The following MITF variants were observed in gnomAD, a reference collection of about 807,000 sequenced individuals.
MITF encodes the protein melanocyte inducing transcription factor.
Under a neutral mutation model 60.5 loss-of-function variants are expected in MITF, and 17 were observed. The ratio of observed to expected loss-of-function variants is 0.28; its 90% CI spans 0.19 to 0.42. MITF has a LOEUF of 0.42. MITF is among the 10% of genes least tolerant of loss of function. The pLI is 1.00. For synonymous variants in MITF, 260 were observed against 248.5 expected (o/e 1.05, Z -0.43); for missense variants, 622 against 683.5 (o/e 0.91, Z 1.00).
At chr3:69,779,621 A>T (rs912011355) in intron 1 of MITF, among the ~76,000 whole-genome samples, 1 of 152,112 alleles carries the variant, frequency 6.6e-6, no homozygotes, top group African/African-American at 2.4e-5. Flanking sequence ...TCTGTATGTG[A>T]TGGGGAGCAA....
chr3:69,862,369 A>T (rs1249119340), intron 1 of MITF, among the ~76,000 whole-genome samples: 1 of 152,194 alleles, frequency 6.6e-6, no homozygotes, highest in African/African-American at 2.4e-5. Flanking sequence ...TGTGTAGTTC[A>T]TGGGCCAACA....
chr3:69,844,470 T>C (rs1307532373), intron 1 of MITF, among the ~76,000 whole-genome samples: 2 of 151,948 alleles, frequency 1.3e-5, no homozygotes, highest in Non-Finnish European at 2.9e-5. Flanking sequence ...AAAAATTAAC[T>C]CAAGATGGAT....
chr3:69,913,553 A>G (rs1014266971), intron 2 of MITF, among the ~76,000 whole-genome samples: 7 of 152,230 alleles, frequency 4.6e-5, no homozygotes, highest in Non-Finnish European at 1.0e-4. Context: ...TTGAGTTTGC[A>G]TGAAGGTGAC....
chr3:69,758,572 G>A (rs2062165730), intron 1 of MITF: 2 of 189,742 alleles, frequency 1.1e-5, no homozygotes, highest in Non-Finnish European at 1.1e-5. Context: ...TAAATCAAAA[G>A]CTTCTTATGT....
At chr3:69,885,093 T>C (rs1337248859) in intron 2 of MITF, among the ~76,000 whole-genome samples, 3 of 152,086 alleles carry the variant, frequency 2.0e-5, no homozygotes, top group Non-Finnish European at 4.4e-5. Flanking sequence ...ACAATCTGGG[T>C]TTGATTTCAT....
At chr3:69,836,241 T>G (rs2063538823) in intron 1 of MITF, among the ~76,000 whole-genome samples, 1 of 152,202 alleles carries the variant, frequency 6.6e-6, no homozygotes, top group Non-Finnish European at 1.5e-5. Context: ...CTGTTGTAAA[T>G]GGAATTATCT....
intron 1 of MITF, among the ~76,000 whole-genome samples, chr3:69,807,746 C>A (rs1280531569): frequency 1.3e-5 from 2 of 152,172 alleles, no homozygotes; most frequent in African/African-American, 4.8e-5. Flanking sequence ...CTCATCAAAG[C>A]AGTTAATTTT....
intron 2 of MITF, chr3:69,937,034 T>C (rs1295577093): frequency 3.2e-6 from 1 of 316,966 alleles, no homozygotes; most frequent in African/African-American, 2.2e-5. Flanking sequence ...ATTGTCTTTA[T>C]CAAGAAAAAA....
intron 1 of MITF, among the ~76,000 whole-genome samples, chr3:69,849,021 G>C (rs1004866710): frequency 1.5e-5 from 2 of 130,922 alleles, no homozygotes; most frequent in Admixed American, 1.8e-4. Flanking sequence ...CTGGAGTGCA[G>C]TGGCGGGATC....
chr3:69,868,867 C>A (rs895523837), intron 1 of MITF, among the ~76,000 whole-genome samples: 6 of 150,414 alleles, frequency 4.0e-5, no homozygotes, highest in Non-Finnish European at 8.8e-5. Flanking sequence ...CCACTGCACT[C>A]CAGCCTGGGA....
chr3:69,932,077 C>G (rs765669850), intron 2 of MITF, among the ~76,000 whole-genome samples: 1 of 152,138 alleles, frequency 6.6e-6, no homozygotes, highest in Non-Finnish European at 1.5e-5. Context: ...TTAAAATCAC[C>G]CCATTCTTTC....
rs369072047 is a variant in MITF, at chr3:69,916,460, T to G, written c.355-21362T>G. 2.6e-5 allele frequency among the ~76,000 whole-genome samples: 4 copies of G among 152,212 alleles called. No individual in the cohort carries two copies. The East Asian group carries it at 7.7e-4, about 29-fold the overall frequency. ...AGTATACTTGATTTATACCTTTCCT[T>G]AATTGACTTAAACACAAACACAGTC... On this transcript the variant is annotated intron_variant, in intron 2 of 9. Coordinates refer to ENST00000352241, the MANE Select transcript of MITF (RefSeq NM_001354604.2).
rs112055798 is a variant in MITF at position 69,800,159 on chromosome 3, C to T, written c.104+60458C>T. ...GGCAACCATTAATCTACTTTGTCTT[C>T]ATGGATTTGCCTACTGGACATTTCA... On this transcript the variant is annotated intron_variant, in intron 1 of 9. Transcript: ENST00000352241. Among the ~76,000 whole-genome samples, 664 of 152,290 alleles carry T rather than the reference C, an allele frequency of 4.4e-3. 6 individuals carry two copies. The highest frequency in any genetic ancestry group is 0.015 in the African/African-American group (615 of 41,554).
chr3:69,777,559 A>G (rs1306799195), intron 1 of MITF, among the ~76,000 whole-genome samples: 5 of 152,198 alleles, frequency 3.3e-5, no homozygotes, highest in Admixed American at 2.6e-4. Flanking sequence ...CTGTGTTTTA[A>G]TGAAGGGTGG....
Position 69,966,862 on chromosome 3 carries a change from G to C in MITF, c.*1614G>C, listed in dbSNP as rs1260336738. On this transcript the variant is annotated 3_prime_UTR_variant, in exon 10 of 10. Transcript: ENST00000352241. ...TTAAATATAGCAGTAGTCTTTTTTG[G>C]ACTAGCACTGACTGAACTGTAATGT... 4.3e-6 allele frequency: 1 copy of C among 232,494 alleles called. No individual in the cohort carries two copies. The highest frequency in any genetic ancestry group is 2.2e-5 in the African/African-American group (1 of 45,260). 14.4% of individuals were successfully genotyped at this position (232,494 alleles called of 1,614,324 possible).
At chr3:69,782,307 C>T (rs1014068115) in intron 1 of MITF, among the ~76,000 whole-genome samples, 7 of 152,228 alleles carry the variant, frequency 4.6e-5, no homozygotes, top group African/African-American at 1.7e-4. Flanking sequence ...TCATCTCTAT[C>T]AATCAGTGGA....
At chr3:69,824,726 T>C (rs1416079282) in intron 1 of MITF, among the ~76,000 whole-genome samples, 1 of 152,176 alleles carries the variant, frequency 6.6e-6, no homozygotes, top group Non-Finnish European at 1.5e-5. Context: ...GCCTGGCCCC[T>C]GCAGTGCATA....
chr3:69,939,283 A>AT, intron 4 of MITF, 102 bp downstream of exon 4: 50 of 1,017,398 alleles, frequency 4.9e-5, no homozygotes, highest in South Asian at 9.0e-5. Context: ...TTTTTCCCCC[A>AT]TTGTTTTTTT....
chr3:69,826,021 G>T (rs1395100103), intron 1 of MITF, among the ~76,000 whole-genome samples: 1 of 152,004 alleles, frequency 6.6e-6, no homozygotes, highest in African/African-American at 2.4e-5. Context: ...TCTTGTGCAG[G>T]TGCATCTTTT....
Sources: allele counts gnomAD v4.1 joint callset (sites outside exome capture counted in the v4.1 genomes callset), GRCh38; gene constraint gnomAD v4.1.1; transcripts MANE v1.5; gene names NCBI Gene and HGNC (gene_info 2026-07-23, HGNC 2026-07-21).